The following OTULINL variants were observed in gnomAD, a reference collection of about 807,000 sequenced individuals.
OTULINL encodes OTU deubiquitinase with linear linkage specificity like, also known as inactive ubiquitin thioesterase OTULINL.
Under a neutral mutation model 43.9 loss-of-function variants are expected in OTULINL, and 42 were observed. That is an observed-to-expected ratio of 0.96 (90% CI 0.75 to 1.24). OTULINL has a LOEUF of 1.24. OTULINL is among the 50% of genes most tolerant of loss of function. The pLI is 0.00. For synonymous variants in OTULINL, 172 were observed against 153.6 expected (o/e 1.12, Z -0.88); for missense variants, 411 against 426.4 (o/e 0.96, Z 0.32).
At position 14,615,480 on chromosome 5, in the gene OTULINL, T is replaced by A. The variant is rs531496886; in HGVS notation, c.*5166T>A. On this transcript the variant is annotated 3_prime_UTR_variant, in exon 8 of 8. Transcript: ENST00000274217. ...TGACGAAGGAGAGGACCAGAAAAGC[T>A]GCTTGGGTGTGGTGGAAGTTTCAGT... Among the ~76,000 whole-genome samples, 17 of 152,294 alleles carry A rather than the reference T, an allele frequency of 1.1e-4. No individual in the cohort carries two copies. In the South Asian group the frequency reaches 2.3e-3, roughly 20 times the overall value.
At chr5:14,603,681 A>G (rs1759426338) in intron 5 of OTULINL, among the ~76,000 whole-genome samples, 1 of 151,630 alleles carries the variant, frequency 6.6e-6, no homozygotes, top group African/African-American at 2.4e-5. Flanking sequence ...TTTTTAAATT[A>G]TTGAGTCTTG....
intron 1 of OTULINL, among the ~76,000 whole-genome samples, chr5:14,589,058 A>G (rs1560959710): frequency 6.6e-6 from 1 of 152,174 alleles, no homozygotes; most frequent in Non-Finnish European, 1.5e-5. Context: ...CATTTCGTTC[A>G]TTCAAGAAAT....
rs142124185 is a variant in OTULINL at position 14,607,523 on chromosome 5, T to C, written c.627+65T>C. 235 of 1,590,218 alleles carry C rather than the reference T, an allele frequency of 1.5e-4. No individual in the cohort carries two copies. The African/African-American group carries it at 2.6e-3, about 18-fold the overall frequency. On this transcript the variant is annotated intron_variant, in intron 6 of 7. Transcript: ENST00000274217. ...AGCACATATCCCAGATAGAGCCAGT[T>C]TTCTCTGATGTCAGGGACATTGCTT...
chr5:14,602,165 C>G lies in OTULINL; in HGVS notation c.349-18C>G, dbSNP rs759298079. The G allele has an allele frequency of 6.5e-7, 1 of 1,541,506 alleles. No homozygotes were observed. Among genetic ancestry groups the G allele is most frequent in the Admixed American group, 2.0e-5 (1 of 48,914 alleles). ...TCCAGTGGAATTAATAAACAACTTT[C>G]TCTTTTTATTTTATTAGGCTTATGA... On this transcript the variant is annotated intron_variant, in intron 4 of 7. Coordinates refer to ENST00000274217, the MANE Select transcript of OTULINL (RefSeq NM_019018.3).
intron 1 of OTULINL, among the ~76,000 whole-genome samples, chr5:14,592,750 G>T (rs1252458487): frequency 2.0e-5 from 3 of 152,194 alleles, no homozygotes; most frequent in Non-Finnish European, 4.4e-5. Context: ...ATAACCCCAA[G>T]CAATAGATTC....
At position 14,612,571 on chromosome 5, in the gene OTULINL, AGGTGTTGTGTTGTTTT is replaced by A. The variant is rs1419759689; in HGVS notation, c.*2259_*2274del. 2 of 152,176 alleles carry A rather than the reference AGGTGTTGTGTTGTTTT, an allele frequency of 1.3e-5. No individual in the cohort carries two copies. Among genetic ancestry groups the A allele is most frequent in the Non-Finnish European group, 2.9e-5 (2 of 68,024 alleles). The allele number at this position is 152,176 out of a possible 1,614,324, so 9.4% of individuals were successfully genotyped here. ...AACAGGTTTTTAGGGAGGAGGTATG[AGGTGTTGTGTTGTTTT>A]GTTTGTTTTTATTCAGTTGTATAAT... On this transcript the variant is annotated 3_prime_UTR_variant, in exon 8 of 8. Coordinates refer to ENST00000274217, the MANE Select transcript of OTULINL (RefSeq NM_019018.3).
chr5:14,590,580 G>A (rs926102122), intron 1 of OTULINL, among the ~76,000 whole-genome samples: 1 of 152,188 alleles, frequency 6.6e-6, no homozygotes, highest in African/African-American at 2.4e-5. Flanking sequence ...AAAGACTTAG[G>A]GCGGGGAGGT....
At chr5:14,587,969 A>G (rs925027479) in intron 1 of OTULINL, among the ~76,000 whole-genome samples, 1 of 151,970 alleles carries the variant, frequency 6.6e-6, no homozygotes, top group African/African-American at 2.4e-5. Context: ...GCTGATTACC[A>G]CCATGGAGGC....
intron 1 of OTULINL, 30 bp downstream of exon 1, chr5:14,581,988 G>A: frequency 8.0e-7 from 1 of 1,248,754 alleles, no homozygotes; most frequent in Non-Finnish European, 1.0e-6. Context: ...GGGCGGGGCG[G>A]GGGGCGCGAG....
Position 14,600,966 on chromosome 5 carries a change from A to C in OTULINL, c.66A>C (p.Gly22=). ...TTTTTTTTTTTGTAATTTTCATAGG[A>C]AGTGACCAAGTTCACTCCTGGATGC... is the stretch of plus-strand genomic sequence containing the variant. ...ERERSGAPAA[G]SDQVHSWMLA... Residue 22 remains glycine (G), a splice_region_variant and synonymous_variant, in exon 2 of 8, where the codon GGA becomes GGC. Transcript: ENST00000274217. The C allele has an allele frequency of 7.3e-7, 1 of 1,375,364 alleles. No individual in the cohort carries two copies. The highest frequency in any genetic ancestry group is 9.4e-7 in the Non-Finnish European group (1 of 1,060,278). 85.2% of individuals were successfully genotyped at this position (1,375,364 alleles called of 1,614,324 possible).
intron 1 of OTULINL, among the ~76,000 whole-genome samples, chr5:14,584,193 T>C (rs1759066100): frequency 2.6e-5 from 4 of 152,188 alleles, no homozygotes; most frequent in Admixed American, 2.6e-4. Context: ...CACTCTTCCT[T>C]GCTCTTCCCA....
intron 5 of OTULINL, 98 bp downstream of exon 5, chr5:14,602,430 G>T (rs1214583476): frequency 1.7e-6 from 2 of 1,188,272 alleles, no homozygotes; most frequent in Non-Finnish European, 1.2e-6. Flanking sequence ...ATGACCATGA[G>T]ATTGAAGAGA....
chr5:14,590,579 G>C (rs34885036), intron 1 of OTULINL, among the ~76,000 whole-genome samples: 1 of 152,190 alleles, frequency 6.6e-6, no homozygotes, highest in African/African-American at 2.4e-5. Flanking sequence ...TAAAGACTTA[G>C]GGCGGGGAGG....
intron 1 of OTULINL, among the ~76,000 whole-genome samples, chr5:14,594,144 A>C (rs144001346): frequency 0.011 from 1,701 of 152,278 alleles, 39 homozygotes; most frequent in African/African-American, 0.039. Context: ...TGGTAGAAAA[A>C]CAACCAACTA....
intron 1 of OTULINL, among the ~76,000 whole-genome samples, chr5:14,598,852 G>A (rs1242494823): frequency 6.6e-6 from 1 of 152,212 alleles, no homozygotes; most frequent in Admixed American, 6.5e-5. Flanking sequence ...CTAAAATCAT[G>A]TTATAGTCCA....
rs1309262071 is a variant in OTULINL, at chr5:14,612,068, C to T, written c.*1754C>T. On this transcript the variant is annotated 3_prime_UTR_variant, in exon 8 of 8. Transcript: ENST00000274217. ...ACAGAAACAAGAGTTCTTCATTGACCTCTACAGTCCCTGCCTGTTTGGAAA... is the reference window on the plus strand; with the variant it reads ...ACAGAAACAAGAGTTCTTCATTGACTTCTACAGTCCCTGCCTGTTTGGAAA... 4 of 152,214 alleles carry T rather than the reference C, an allele frequency of 2.6e-5. No individual in the cohort carries two copies. Among genetic ancestry groups the T allele is most frequent in the East Asian group, 1.9e-4 (1 of 5,204 alleles). 9.4% of individuals were successfully genotyped at this position (152,214 alleles called of 1,614,324 possible).
intron 1 of OTULINL, among the ~76,000 whole-genome samples, chr5:14,593,689 A>G (rs531070388): frequency 3.3e-5 from 5 of 152,254 alleles, no homozygotes; most frequent in Non-Finnish European, 7.3e-5. Flanking sequence ...GGTTGCATTC[A>G]ACATCTCTAG....
intron 6 of OTULINL, among the ~76,000 whole-genome samples, chr5:14,608,070 A>G (rs1473122425): frequency 6.6e-6 from 1 of 152,278 alleles, no homozygotes; most frequent in African/African-American, 2.4e-5. Flanking sequence ...GTTAAAGCAC[A>G]CTAGCACTAT....
At position 14,614,815 on chromosome 5, in the gene OTULINL, C is replaced by G. The variant is rs191049142; in HGVS notation, c.*4501C>G. On this transcript the variant is annotated 3_prime_UTR_variant, in exon 8 of 8. Coordinates refer to ENST00000274217, the MANE Select transcript of OTULINL (RefSeq NM_019018.3). ...AAAGTTATAATCCTAGCTGGTGTCT[C>G]GTTCTGTTTAAAAAAATCAAATTTC... 2 of 398,272 alleles carry G rather than the reference C, an allele frequency of 5.0e-6. No individual in the cohort carries two copies. Among genetic ancestry groups the G allele is most frequent in the Non-Finnish European group, 8.8e-6 (2 of 225,996 alleles). 24.7% of individuals were successfully genotyped at this position (398,272 alleles called of 1,614,324 possible). A position where few individuals can be genotyped will look rare whatever the true frequency, so the allele number is the denominator to read the frequency against.
Sources: gnomAD v4.1 joint callset for allele counts (sites outside exome capture counted in the v4.1 genomes callset) on GRCh38, gnomAD v4.1.1 for gene constraint, MANE v1.5 for transcripts, NCBI Gene and HGNC (gene_info 2026-07-23, HGNC 2026-07-21) for gene names.